Variants in DEUP1 observed in about 807,000 individuals in gnomAD.
DEUP1 encodes deuterosome assembly protein 1, also known as coiled-coil domain containing 67.
In DEUP1, 82 loss-of-function variants were observed where a neutral mutation model predicts 87.4. That is an observed-to-expected ratio of 0.94 (90% confidence interval 0.78 to 1.13). The LOEUF is 1.13. Ranked by LOEUF, DEUP1 falls within the 50% of genes most tolerant of loss-of-function variation. The pLI is 0.00. For synonymous variants in DEUP1, 214 were observed against 222.7 expected (o/e 0.96, Z 0.35); for missense variants, 663 against 681.5 (o/e 0.97, Z 0.30).
intron 4 of DEUP1, among the ~76,000 whole-genome samples, chr11:93,361,439 C>A (rs2134234687): frequency 6.6e-6 from 1 of 152,032 alleles, no homozygotes; most frequent in East Asian, 1.9e-4. Context: ...AAAATTATAA[C>A]CTTGTCTAAT....
At chr11:93,413,993 C>T (rs1441186295) in intron 12 of DEUP1, among the ~76,000 whole-genome samples, 1 of 152,090 alleles carries the variant, frequency 6.6e-6, no homozygotes, top group Non-Finnish European at 1.5e-5. Flanking sequence ...AATACCTAAT[C>T]TTTACTAAAC....
chr11:93,359,785 T>C (rs1442460917), intron 4 of DEUP1, among the ~76,000 whole-genome samples: 2 of 152,128 alleles, frequency 1.3e-5, no homozygotes, highest in Non-Finnish European at 1.5e-5. Flanking sequence ...ACAAAAACTA[T>C]AGCCCCACTG....
intron 13 of DEUP1, among the ~76,000 whole-genome samples, chr11:93,418,327 A>G (rs1947722091): frequency 6.6e-6 from 1 of 152,054 alleles, no homozygotes; most frequent in Non-Finnish European, 1.5e-5. Flanking sequence ...ACTCAAACAA[A>G]TTTACAAGAA....
chr11:93,393,718 T>A (rs57128128), intron 9 of DEUP1, among the ~76,000 whole-genome samples: 11,911 of 140,156 alleles, frequency 0.085, 1,503 homozygotes, highest in African/African-American at 0.27. Flanking sequence ...TTAGAAACAG[T>A]AATGGTTTCT....
chr11:93,417,942 A>G (rs1049101919), intron 13 of DEUP1, among the ~76,000 whole-genome samples: 14 of 151,094 alleles, frequency 9.3e-5, no homozygotes, highest in African/African-American at 3.1e-4. Context: ...AGGATTCCCT[A>G]TTTAATAAAT....
chr11:93,427,012 G>GAAAAAA (rs1215051153), intron 13 of DEUP1, among the ~76,000 whole-genome samples: 166 of 11,814 alleles, frequency 0.014, no homozygotes, highest in Non-Finnish European at 0.017. Context: ...AAAAAAAAAA[G>GAAAAAA]AAAAAAAAAA....
intron 12 of DEUP1, among the ~76,000 whole-genome samples, chr11:93,410,463 T>C (rs904346087): frequency 1.3e-5 from 2 of 152,210 alleles, no homozygotes; most frequent in Admixed American, 6.5e-5. Context: ...ATAAATAAGC[T>C]TTACAGAGTA....
chr11:93,364,287 A>T lies in DEUP1; in HGVS notation c.425A>T (p.Lys142Ile). Residue 142 changes from lysine to isoleucine, a missense_variant, in exon 5 of 14, where the codon AAA (lysine) becomes ATA (isoleucine). Physicochemically the swap from Lys to Ile is moderately radical, Grantham distance 102. Coordinates refer to ENST00000298050, the MANE Select transcript of DEUP1 (RefSeq NM_181645.4). ...TTTGAACTGAGCAATTTGAACCAGAAATTAGAGGTGAGATATATTATCTTA... is the reference window on the plus strand; with the variant it reads ...TTTGAACTGAGCAATTTGAACCAGATATTAGAGGTGAGATATATTATCTTA... Reference protein sequence around the residue: ...IPFELSNLNQKLEEFRAKSRE... With the variant: ...IPFELSNLNQILEEFRAKSRE... 6.2e-7 allele frequency: 1 copy of T among 1,607,662 alleles called. No individual in the cohort carries two copies. The highest frequency in any genetic ancestry group is 8.5e-7 in the Non-Finnish European group (1 of 1,175,412).
chr11:93,352,101 A>G (rs1442590015), intron 2 of DEUP1, among the ~76,000 whole-genome samples: 1 of 152,156 alleles, frequency 6.6e-6, no homozygotes, highest in Non-Finnish European at 1.5e-5. Flanking sequence ...CCTGAGTTTT[A>G]TCAAAATGCT....
In DEUP1 at chr11:93,360,790, A is replaced by G. The variant is rs939119293; in HGVS notation, c.298-3370A>G. 7.3e-4 allele frequency among the ~76,000 whole-genome samples: 111 copies of G among 151,776 alleles called. 1 individual carries two copies. The highest frequency in any genetic ancestry group is 2.5e-3 in the African/African-American group (105 of 41,458). On this transcript the variant is annotated intron_variant, in intron 4 of 13. Transcript: ENST00000298050. ...AAAATGAACCTTGGGGACATGTAGTATGATAACAAGCAATTTAAAATTTAT... is the reference window on the plus strand; with the variant it reads ...AAAATGAACCTTGGGGACATGTAGTGTGATAACAAGCAATTTAAAATTTAT...
intron 3 of DEUP1, among the ~76,000 whole-genome samples, 178 bp from the exon 4 acceptor site, chr11:93,356,770 G>A (rs1944918615): frequency 1.3e-5 from 2 of 152,130 alleles, no homozygotes; most frequent in Non-Finnish European, 2.9e-5. Flanking sequence ...AATAGTGCTA[G>A]CAATGTTTGG....
intron 11 of DEUP1, among the ~76,000 whole-genome samples, chr11:93,403,560 G>T (rs1420593442): frequency 2.0e-5 from 3 of 151,498 alleles, no homozygotes; most frequent in Non-Finnish European, 4.4e-5. Flanking sequence ...GTATAGTTTA[G>T]CATGCTCTCT....
chr11:93,418,527 A>G (rs1214288581), intron 13 of DEUP1, among the ~76,000 whole-genome samples: 1 of 151,878 alleles, frequency 6.6e-6, no homozygotes, highest in Non-Finnish European at 1.5e-5. Context: ...AAAAGTCAGG[A>G]AACAACAGGT....
chr11:93,402,417 A>T (rs1947146202), intron 11 of DEUP1, among the ~76,000 whole-genome samples: 1 of 152,062 alleles, frequency 6.6e-6, no homozygotes, highest in Admixed American at 6.6e-5. Flanking sequence ...GGGAATGTAA[A>T]TTAGTATAGC....
chr11:93,377,218 G>A (rs986610333), intron 7 of DEUP1, among the ~76,000 whole-genome samples: 2 of 152,108 alleles, frequency 1.3e-5, no homozygotes, highest in African/African-American at 4.8e-5. Flanking sequence ...GAGTATTGAA[G>A]TCCCCCACTA....
chr11:93,365,885 G>A (rs1945391019), intron 5 of DEUP1, among the ~76,000 whole-genome samples: 1 of 152,142 alleles, frequency 6.6e-6, no homozygotes, highest in Admixed American at 6.5e-5. Flanking sequence ...TTACCTTTGA[G>A]GTGTTTAATA....
intron 4 of DEUP1, among the ~76,000 whole-genome samples, chr11:93,358,863 G>A (rs766598278): frequency 2.8e-4 from 43 of 152,094 alleles, no homozygotes; most frequent in Non-Finnish European, 4.9e-4. Context: ...AATTACAGGC[G>A]TGAGACACCA....
intron 4 of DEUP1, among the ~76,000 whole-genome samples, chr11:93,359,797 C>T (rs1465338131): frequency 1.3e-5 from 2 of 152,184 alleles, no homozygotes; most frequent in East Asian, 3.9e-4. Context: ...GCCCCACTGC[C>T]ACCTACAAAG....
chr11:93,365,361 T>C (rs2134245876), intron 5 of DEUP1, among the ~76,000 whole-genome samples: 1 of 152,254 alleles, frequency 6.6e-6, no homozygotes, highest in African/African-American at 2.4e-5. Flanking sequence ...ACTAAGTAAG[T>C]TGGCCCTCTA....
Sources: gnomAD v4.1 joint callset for allele counts (sites outside exome capture counted in the v4.1 genomes callset) on GRCh38, gnomAD v4.1.1 for gene constraint, MANE v1.5 for transcripts, NCBI Gene and HGNC (gene_info 2026-07-23, HGNC 2026-07-21) for gene names.